Variants in XNDC1N observed in about 807,000 individuals in gnomAD.
XNDC1N encodes the protein XRCC1 N-terminal domain containing 1, N-terminal like.
At chr11:71,908,584 G>C in the XNDC1N span, among the ~76,000 whole-genome samples, 1 of 152,092 alleles carries the variant, frequency 6.6e-6, no homozygotes, top group Non-Finnish European at 1.5e-5. Flanking sequence ...GGATGGTCAC[G>C]TGCTGGAGAG....
At chr11:71,869,313 G>C in the XNDC1N span, among the ~76,000 whole-genome samples, 1 of 151,980 alleles carries the variant, frequency 6.6e-6, no homozygotes, top group African/African-American at 2.4e-5. Flanking sequence ...TTGGTTTTCT[G>C]TCCTCGGGAT....
the XNDC1N span, chr11:71,903,647 TTTC>T: frequency 2.8e-5 from 12 of 436,064 alleles, no homozygotes; most frequent in Admixed American, 1.8e-4. Flanking sequence ...TTGTTTTTTT[TTTC>T]TTTTTTTTTT....
At chr11:71,918,261 T>C in the XNDC1N span, among the ~76,000 whole-genome samples, 1 of 152,158 alleles carries the variant, frequency 6.6e-6, no homozygotes, top group Non-Finnish European at 1.5e-5. Flanking sequence ...TTTACAGGTG[T>C]ATGCAGGTTC....
At chr11:71,912,751 G>T in the XNDC1N span, among the ~76,000 whole-genome samples, 22 of 152,180 alleles carry the variant, frequency 1.4e-4, no homozygotes, top group East Asian at 4.3e-3. Context: ...ATCAGGAAGG[G>T]ATGTACAGAC....
the XNDC1N span, among the ~76,000 whole-genome samples, chr11:71,912,513 A>C: frequency 2.6e-5 from 4 of 152,150 alleles, no homozygotes; most frequent in African/African-American, 4.8e-5. Context: ...ATTAGGGAGA[A>C]TATCACAGGG....
chr11:71,899,709 C>A, the XNDC1N span, among the ~76,000 whole-genome samples: 2 of 152,196 alleles, frequency 1.3e-5, no homozygotes, highest in East Asian at 1.9e-4. Flanking sequence ...CCCTTGAAAG[C>A]GGCATATTGT....
the XNDC1N span, among the ~76,000 whole-genome samples, chr11:71,896,850 G>A: frequency 1.3e-5 from 2 of 152,198 alleles, no homozygotes; most frequent in African/African-American, 2.4e-5. Context: ...AGGCGTGAGC[G>A]ACTGCGGCCG....
chr11:71,916,287 A>G, the XNDC1N span: 2 of 700,846 alleles, frequency 2.9e-6, no homozygotes, highest in Non-Finnish European at 5.2e-6. Flanking sequence ...TCAGGGGGGA[A>G]TGGAAATGCA....
chr11:71,867,111 T>G, the XNDC1N span, among the ~76,000 whole-genome samples: 1 of 151,994 alleles, frequency 6.6e-6, no homozygotes, highest in Admixed American at 6.6e-5. Flanking sequence ...TGTGATGGGT[T>G]AAAGAGCAAT....
chr11:71,889,677 G>C, the XNDC1N span, among the ~76,000 whole-genome samples: 3 of 152,152 alleles, frequency 2.0e-5, no homozygotes, highest in Non-Finnish European at 4.4e-5. Context: ...TGGCCAAAAC[G>C]GTGAGGCAGC....
chr11:71,928,110 G>A, the XNDC1N span: 3 of 269,460 alleles, frequency 1.1e-5, no homozygotes, highest in South Asian at 4.8e-5. Flanking sequence ...GGGTAAGGCA[G>A]AAGCTGGGGC....
At chr11:71,920,921 C>G in the XNDC1N span, among the ~76,000 whole-genome samples, 1 of 152,126 alleles carries the variant, frequency 6.6e-6, no homozygotes, top group East Asian at 1.9e-4. Flanking sequence ...GCCGAGACTG[C>G]ACCACTGCAC....
chr11:71,896,953 A>C, the XNDC1N span, among the ~76,000 whole-genome samples: 2,021 of 152,274 alleles, frequency 0.013, 147 homozygotes, highest in Admixed American at 0.11. Flanking sequence ...ATGATTTTTC[A>C]CGAGTGCTAA....
chr11:71,878,394 A>G, the XNDC1N span: 2 of 1,588,346 alleles, frequency 1.3e-6, no homozygotes, highest in South Asian at 1.1e-5. Flanking sequence ...CTGAATGTAC[A>G]CAGAAGTCCT....
the XNDC1N span, among the ~76,000 whole-genome samples, chr11:71,918,522 T>C: frequency 6.6e-6 from 1 of 152,156 alleles, no homozygotes; most frequent in East Asian, 1.9e-4. Flanking sequence ...GCTCAAGGGA[T>C]CCTCCCGCCT....
chr11:71,919,611 T>TTTG, the XNDC1N span, among the ~76,000 whole-genome samples: 6 of 11,750 alleles, frequency 5.1e-4, no homozygotes, highest in African/African-American at 8.2e-4. Context: ...GTTGGTTTTT[T>TTTG]TTTTTGTTTG....
At chr11:71,921,969 G>A in the XNDC1N span, among the ~76,000 whole-genome samples, 42 of 152,232 alleles carry the variant, frequency 2.8e-4, no homozygotes, top group East Asian at 6.0e-3. Context: ...AGACCAGCCT[G>A]GCCAACATAA....
the XNDC1N span, chr11:71,917,777 C>G: frequency 8.5e-6 from 6 of 703,242 alleles, no homozygotes; most frequent in African/African-American, 1.0e-4. Flanking sequence ...CCACAGTTAC[C>G]TGGGGACAAA....
the XNDC1N span, among the ~76,000 whole-genome samples, chr11:71,887,581 G>T: frequency 6.6e-6 from 1 of 152,168 alleles, no homozygotes; most frequent in South Asian, 2.1e-4. Flanking sequence ...TTAAGACTGG[G>T]GCCCTGCCAG....
Sources: gnomAD v4.1 joint callset for allele counts (sites outside exome capture counted in the v4.1 genomes callset) on GRCh38, gnomAD v4.1.1 for gene constraint, MANE v1.5 for transcripts, NCBI Gene and HGNC (gene_info 2026-07-23, HGNC 2026-07-21) for gene names.